The following TCF4 variants were observed in gnomAD, a reference collection of about 807,000 sequenced individuals.
The protein encoded by TCF4 is transcription factor 4.
A neutral mutation model predicts 82.1 loss-of-function variants in TCF4; 3 were observed. The ratio of observed to expected loss-of-function variants is 0.04; its 90% CI spans 0.02 to 0.09. The LOEUF is 0.09. Ranked by LOEUF, TCF4 falls within the 10% of genes least tolerant of loss-of-function variation. The pLI, the probability that TCF4 is intolerant of heterozygous loss-of-function variation, is 1.00. For missense variants in TCF4, 518 were observed against 852.7 expected (o/e 0.61, Z 4.89); for synonymous variants, 276 against 309.6 (o/e 0.89, Z 1.14).
chr18:55,545,241 G>A (rs1199516899), intron 3 of TCF4, among the ~76,000 whole-genome samples: 1 of 152,122 alleles, frequency 6.6e-6, no homozygotes, highest in Admixed American at 6.5e-5. Flanking sequence ...CATAAAAAAT[G>A]CCACTTAGTA....
At chr18:55,479,791 T>G (rs1165325428) in intron 3 of TCF4, among the ~76,000 whole-genome samples, 1 of 152,168 alleles carries the variant, frequency 6.6e-6, no homozygotes, top group Non-Finnish European at 1.5e-5. Flanking sequence ...GTTTGGGGAT[T>G]GTTTGTTCCA....
intron 3 of TCF4, among the ~76,000 whole-genome samples, chr18:55,583,530 G>A (rs1402073888): frequency 6.6e-6 from 1 of 152,036 alleles, no homozygotes; most frequent in Non-Finnish European, 1.5e-5. Flanking sequence ...CAGACATACA[G>A]TTGTCTTTTT....
intron 3 of TCF4, among the ~76,000 whole-genome samples, chr18:55,525,030 T>C (rs2096966707): frequency 6.6e-6 from 1 of 152,172 alleles, no homozygotes; most frequent in African/African-American, 2.4e-5. Flanking sequence ...CTTCTAAGCA[T>C]GTGTATGCCT....
At chr18:55,385,037 C>T (rs1453209579) in intron 6 of TCF4, among the ~76,000 whole-genome samples, 1 of 151,998 alleles carries the variant, frequency 6.6e-6, no homozygotes. Flanking sequence ...CTCCCCCTTA[C>T]CCCCTTTCTC....
At chr18:55,424,510 T>C (rs1038761284) in intron 5 of TCF4, among the ~76,000 whole-genome samples, 1 of 152,218 alleles carries the variant, frequency 6.6e-6, no homozygotes, top group South Asian at 2.1e-4. Flanking sequence ...TAACTTTCTA[T>C]GGCTTGCAGC....
Position 55,254,628 on chromosome 18 carries a change from G to C in TCF4, c.1219C>G (p.Pro407Ala), listed in dbSNP as rs2056311336. ...TGACCACCAGGCATAGCTGTGGATG[G>C]GCCCACTGCATGGTTCCGGAGAACA... is the stretch of plus-strand genomic sequence containing the variant. ...IHVLRNHAVG[P>A]STAMPGGHGD... is the part of the protein sequence containing the mutation. Residue 407 changes from proline (P) to alanine (A), a missense_variant, in exon 15 of 20, where the codon CCA (proline) becomes GCA (alanine). Physicochemically the swap from Pro to Ala is conservative, Grantham distance 27. This residue lies in a region of TCF4 where 6 missense variants were observed against 28.6 expected (regional missense o/e 0.21). Transcript: ENST00000354452. The C allele has an allele frequency of 6.2e-7, 1 of 1,613,284 alleles. No homozygotes were observed.
In TCF4 at chr18:55,372,676, T is replaced by G. The variant is rs140273003; in HGVS notation, c.370-21673A>C. Reference sequence around the variant, plus strand: ...CAACCCAAAAAAACCCAGAACAACATGGTCCACAAAAATTAGCAAGATGGG... The same window carrying G: ...CAACCCAAAAAAACCCAGAACAACAGGGTCCACAAAAATTAGCAAGATGGG... On this transcript the variant is annotated intron_variant, in intron 6 of 19. Coordinates refer to ENST00000354452, the MANE Select transcript of TCF4 (RefSeq NM_001083962.2). 5.0e-3 allele frequency among the ~76,000 whole-genome samples: 760 copies of G among 151,992 alleles called. 5 individuals are homozygous for G. The highest frequency in any genetic ancestry group is 0.017 in the African/African-American group (722 of 41,466).
At chr18:55,595,040 C>T (rs927717146) in intron 2 of TCF4, among the ~76,000 whole-genome samples, 2 of 152,192 alleles carry the variant, frequency 1.3e-5, no homozygotes, top group Non-Finnish European at 2.9e-5. Context: ...GCCCTAGTCT[C>T]CCACTCTGCA....
chr18:55,302,770 A>G, intron 8 of TCF4: 1 of 601,824 alleles, frequency 1.7e-6, no homozygotes, highest in Non-Finnish European at 2.7e-6. Flanking sequence ...CCCCTGGATA[A>G]AGCTGCATCT....
intron 5 of TCF4, chr18:55,422,320 A>C: frequency 1.0e-6 from 1 of 985,290 alleles, no homozygotes; most frequent in Non-Finnish European, 1.2e-6. Context: ...ACAGAACACA[A>C]CATGCTGGGG....
chr18:55,613,987 T>C (rs1237550665), intron 2 of TCF4, among the ~76,000 whole-genome samples: 2 of 152,220 alleles, frequency 1.3e-5, no homozygotes, highest in Non-Finnish European at 2.9e-5. Context: ...GTCATGATCA[T>C]AGCTCACTGC....
chr18:55,276,394 C>T (rs565155518), intron 9 of TCF4, among the ~76,000 whole-genome samples: 154 of 152,118 alleles, frequency 1.0e-3, no homozygotes, highest in African/African-American at 3.6e-3. Flanking sequence ...TACAAACATG[C>T]CCTAGGTAGC....
intron 8 of TCF4, among the ~76,000 whole-genome samples, chr18:55,349,022 T>C (rs1339434265): frequency 6.6e-6 from 1 of 152,298 alleles, no homozygotes; most frequent in South Asian, 2.1e-4. Context: ...GCTTAAAATA[T>C]GCTTATAAAA....
intron 3 of TCF4, among the ~76,000 whole-genome samples, chr18:55,483,327 C>CT (rs947839203): frequency 6.6e-6 from 1 of 152,220 alleles, no homozygotes; most frequent in Non-Finnish European, 1.5e-5. Context: ...CACAGGTATG[C>CT]TATAAAGGTT....
chr18:55,581,211 A>G (rs1294495626), intron 3 of TCF4, among the ~76,000 whole-genome samples: 1 of 152,094 alleles, frequency 6.6e-6, no homozygotes, highest in Non-Finnish European at 1.5e-5. Context: ...ACAGAAAGAC[A>G]GCAGTGAGAC....
chr18:55,627,082 C>T (rs1207923204), intron 2 of TCF4, among the ~76,000 whole-genome samples: 2 of 152,150 alleles, frequency 1.3e-5, no homozygotes, highest in Non-Finnish European at 2.9e-5. Context: ...TGTTGCTGTT[C>T]AACTTTTGCA....
intron 5 of TCF4, among the ~76,000 whole-genome samples, chr18:55,438,200 CAAAA>C (rs1295763534): frequency 3.1e-5 from 2 of 63,848 alleles, no homozygotes; most frequent in Non-Finnish European, 3.3e-5. Context: ...GACTTCGTCT[CAAAA>C]AAAAAAAAAA....
chr18:55,521,863 G>A (rs2096935944), intron 3 of TCF4, among the ~76,000 whole-genome samples: 1 of 152,152 alleles, frequency 6.6e-6, no homozygotes, highest in African/African-American at 2.4e-5. Flanking sequence ...CTGCCTTCCT[G>A]AACCAGTATG....
At chr18:55,321,231 A>C (rs2075412939) in intron 8 of TCF4, 1 of 209,928 alleles carries the variant, frequency 4.8e-6, no homozygotes, top group African/African-American at 2.3e-5. Context: ...ATATCACAAA[A>C]CCTCAATCCA....
Sources: allele counts gnomAD v4.1 joint callset (sites outside exome capture counted in the v4.1 genomes callset), GRCh38; gene constraint gnomAD v4.1.1; regional missense constraint gnomAD v4.1.1; transcripts MANE v1.5; gene names NCBI Gene and HGNC (gene_info 2026-07-23, HGNC 2026-07-21).